The following DOCK1 variants were observed in gnomAD, a reference collection of about 807,000 sequenced individuals.
DOCK1 encodes the protein dedicator of cytokinesis protein 1.
DOCK1 carries 138 observed loss-of-function variants against 262.7 expected under a neutral mutation model. The ratio of observed to expected loss-of-function variants is 0.53; its 90% CI spans 0.46 to 0.61. DOCK1 has a LOEUF of 0.61. Among genes scored for constraint, DOCK1 ranks in the 20% least tolerant of loss-of-function variants. The pLI is 0.00. For missense variants in DOCK1, 1,908 were observed against 2,370.7 expected, an observed-to-expected ratio of 0.80 and a Z score of 4.05; for synonymous variants, 866 against 867.4, an observed-to-expected ratio of 1.00 and a Z score of 0.03.
intron 29 of DOCK1, among the ~76,000 whole-genome samples, chr10:127,336,409 G>A (rs958150109): frequency 6.6e-6 from 1 of 151,756 alleles, no homozygotes; most frequent in African/African-American, 2.4e-5. Context: ...TTTTGTCCCG[G>A]CATTTAAAAA....
Position 127,145,273 on chromosome 10 carries a change from T to C in DOCK1, c.2847+17509T>C, listed in dbSNP as rs12241435. Among the ~76,000 whole-genome samples, 1,004 of 152,244 alleles carry C rather than the reference T, an allele frequency of 6.6e-3. 4 individuals carry two copies. Among genetic ancestry groups the C allele is most frequent in the Admixed American group, 0.012 (177 of 15,300 alleles). On this transcript the variant is annotated intron_variant, in intron 27 of 51. Transcript: ENST00000623213. ...AGAGGCAGACCCAAGTCATTTGGAT[T>C]GCCTCTGCCCATCGTAAGTTCTCCA...
At chr10:127,258,664 G>A (rs1472229962) in intron 29 of DOCK1, among the ~76,000 whole-genome samples, 2 of 152,204 alleles carry the variant, frequency 1.3e-5, no homozygotes, top group Non-Finnish European at 1.5e-5. Context: ...TGCCTTCCTG[G>A]ACAAATGCTG....
intron 25 of DOCK1, among the ~76,000 whole-genome samples, chr10:127,110,614 A>C (rs756987806): frequency 6.6e-6 from 1 of 152,216 alleles, no homozygotes; most frequent in African/African-American, 2.4e-5. Flanking sequence ...TAATCAGCAT[A>C]CATTGTAGCC....
intron 38 of DOCK1, among the ~76,000 whole-genome samples, chr10:127,389,559 A>G (rs1366847940): frequency 1.3e-5 from 2 of 152,126 alleles, no homozygotes; most frequent in African/African-American, 2.4e-5. Context: ...TGGAGCCCTG[A>G]TATGGTTTCG....
At chr10:127,405,919 AAAG>A (rs2067489487) in intron 40 of DOCK1, among the ~76,000 whole-genome samples, 1 of 152,222 alleles carries the variant, frequency 6.6e-6, no homozygotes, top group Admixed American at 6.5e-5. Flanking sequence ...AAGAATGAAT[AAAG>A]GAGGCTTAGT....
chr10:127,052,086 A>T (rs1201469094), intron 21 of DOCK1, among the ~76,000 whole-genome samples: 3 of 152,216 alleles, frequency 2.0e-5, no homozygotes, highest in Admixed American at 2.0e-4. Flanking sequence ...ATTAAATAGG[A>T]TAATACTGCC....
intron 35 of DOCK1, among the ~76,000 whole-genome samples, chr10:127,377,998 A>G (rs927130731): frequency 1.3e-5 from 2 of 152,058 alleles, no homozygotes; most frequent in African/African-American, 4.8e-5. Flanking sequence ...GGATGTCTGC[A>G]TGTATGTTGG....
chr10:127,209,295 A>C (rs755983076), intron 27 of DOCK1, among the ~76,000 whole-genome samples: 32 of 152,254 alleles, frequency 2.1e-4, no homozygotes, highest in Admixed American at 3.9e-4. Flanking sequence ...ATGCAAGTGC[A>C]TGTGCCTATT....
In DOCK1 at chr10:126,987,517, C is replaced by T. The variant is rs1301863601; in HGVS notation, c.228-4C>T. 1.9e-6 allele frequency: 3 copies of T among 1,573,746 alleles called. No homozygotes were observed. The highest frequency in any genetic ancestry group is 2.7e-5 in the African/African-American group (2 of 73,944). The stretch of plus-strand genomic sequence containing the variant: ...TCAGCTGCTCTTTCCTTCTTTCCTC[C>T]CAGGCAACATGAAACAGTCATCCCG... On this transcript the variant is annotated splice_polypyrimidine_tract_variant and splice_region_variant and intron_variant, in intron 4 of 51. Coordinates refer to ENST00000623213, the MANE Select transcript of DOCK1 (RefSeq NM_001290223.2).
chr10:127,161,717 C>T (rs1453785658), intron 27 of DOCK1, among the ~76,000 whole-genome samples: 1 of 152,162 alleles, frequency 6.6e-6, no homozygotes, highest in Non-Finnish European at 1.5e-5. Context: ...CCCCACTCTC[C>T]TCGCCTCTGC....
rs143736792 is a variant in DOCK1, at chr10:127,444,182, C to T, written c.5316C>T (p.Ser1772=). ...GCCAGGTGATGAACGTCATTGGAAG[C>T]GAAAGGCGCTTCTCGGTGTCCCCCT... ...PKSQVMNVIG[S]ERRFSVSPSS... Residue 1772 remains serine, a synonymous_variant, in exon 50 of 52, where the codon AGC becomes AGT. Coordinates refer to ENST00000623213, the MANE Select transcript of DOCK1 (RefSeq NM_001290223.2). 6.8e-4 allele frequency: 1,090 copies of T among 1,600,956 alleles called. 10 individuals carry two copies. In the African/African-American group the frequency reaches 0.011, roughly 16 times the overall value.
At chr10:126,989,788 A>G (rs557558935) in intron 5 of DOCK1, among the ~76,000 whole-genome samples, 1 of 152,310 alleles carries the variant, frequency 6.6e-6, no homozygotes, top group Non-Finnish European at 1.5e-5. Context: ...ATCCCATCAA[A>G]ATTCTTAGAA....
intron 27 of DOCK1, among the ~76,000 whole-genome samples, chr10:127,155,209 T>A (rs2052920900): frequency 6.6e-6 from 1 of 152,196 alleles, no homozygotes; most frequent in Non-Finnish European, 1.5e-5. Flanking sequence ...CTTCTCTGCA[T>A]CATGGGTTTT....
intron 25 of DOCK1, among the ~76,000 whole-genome samples, chr10:127,116,312 G>A (rs1190755546): frequency 6.6e-6 from 1 of 152,080 alleles, no homozygotes; most frequent in Non-Finnish European, 1.5e-5. Context: ...AGCCTGGTAA[G>A]TTTAAATTAT....
chr10:127,440,185 G>A (rs2070008542), intron 49 of DOCK1, among the ~76,000 whole-genome samples: 1 of 151,048 alleles, frequency 6.6e-6, no homozygotes. Context: ...TGTGTTCCAG[G>A]CTCTTTTAAA....
In DOCK1 at chr10:127,373,796, A is replaced by T; in HGVS notation, c.3448A>T (p.Ile1150Phe). 2 of 1,610,888 alleles carry T rather than the reference A, an allele frequency of 1.2e-6. No homozygotes were observed. The highest frequency in any genetic ancestry group is 1.7e-6 in the Non-Finnish European group (2 of 1,178,484). Residue 1150 changes from isoleucine to phenylalanine, a missense_variant, in exon 34 of 52, where the codon ATC becomes TTC. This residue lies in a region of DOCK1 where 518 missense variants were observed against 575.1 expected (regional missense o/e 0.90). Transcript: ENST00000623213. The stretch of plus-strand genomic sequence containing the variant: ...TTAATTATAGTTTGAAAATGAGATC[A>T]TCACCAAGCTGGATCATGAAGTCGA... ...RSFQMFENEI[I>F]TKLDHEVEGG... is the part of the protein sequence containing the mutation.
chr10:127,166,953 T>C (rs1040260127), intron 27 of DOCK1, among the ~76,000 whole-genome samples: 3 of 152,126 alleles, frequency 2.0e-5, no homozygotes, highest in Non-Finnish European at 4.4e-5. Context: ...TGAAATCTAT[T>C]TTGGCATTCT....
In DOCK1 at chr10:126,974,666, C is replaced by T. The variant is rs149408127; in HGVS notation, c.131-3282C>T. On this transcript the variant is annotated intron_variant, in intron 2 of 51. Coordinates refer to ENST00000623213, the MANE Select transcript of DOCK1 (RefSeq NM_001290223.2). ...TTACTCTCCGGTGCAAAACCTCTGC[C>T]GGGACATCCTCTCTCCTTCATGCCG... Among the ~76,000 whole-genome samples, 85 of 152,230 alleles carry T rather than the reference C, an allele frequency of 5.6e-4. 1 individual carries two copies. The highest frequency in any genetic ancestry group is 1.9e-3 in the African/African-American group (77 of 41,548).
In DOCK1 at chr10:127,267,682, G is replaced by A. The variant is rs533363550; in HGVS notation, c.3044+10253G>A. ...CCGCATCCCGCTGGCACTTAATGCCGGAGGAGGCACTTCATGTTACGAGGA... is the reference window on the plus strand; with the variant it reads ...CCGCATCCCGCTGGCACTTAATGCCAGAGGAGGCACTTCATGTTACGAGGA... On this transcript the variant is annotated intron_variant, in intron 29 of 51. Coordinates refer to ENST00000623213, the MANE Select transcript of DOCK1 (RefSeq NM_001290223.2). Among the ~76,000 whole-genome samples, 45 of 152,306 alleles carry A rather than the reference G, an allele frequency of 3.0e-4. No individual in the cohort carries two copies. In the South Asian group the frequency reaches 8.9e-3, roughly 30 times the overall value.
Sources: allele counts gnomAD v4.1 joint callset (sites outside exome capture counted in the v4.1 genomes callset), GRCh38; gene constraint gnomAD v4.1.1; regional missense constraint gnomAD v4.1.1; transcripts MANE v1.5; gene names NCBI Gene and HGNC (gene_info 2026-07-23, HGNC 2026-07-21).